The following HSP90AA1 variants were observed in gnomAD, a reference collection of about 807,000 sequenced individuals.
HSP90AA1 encodes the protein heat shock protein HSP 90-alpha.
A neutral mutation model predicts 73.3 loss-of-function variants in HSP90AA1; 18 were observed. The observed-to-expected ratio is 0.25, with a 90% CI of 0.17 to 0.36. HSP90AA1 has a LOEUF of 0.36. Ranked by LOEUF, HSP90AA1 falls within the 10% of genes least tolerant of loss-of-function variation. HSP90AA1 has a pLI of 1.00. For missense variants in HSP90AA1, 704 were observed against 874.2 expected (o/e 0.81, Z 2.45); for synonymous variants, 477 against 296.9 (o/e 1.61, Z -6.24).
In HSP90AA1 at chr14:102,084,571, T is replaced by TA. The variant is rs1413314142; in HGVS notation, c.982-8dup. ...GTCCTTCAACTGAAAAATGCTGTAA[T>TA]AAAACAGATACACTAAGTACCAATG... On this transcript the variant is annotated splice_polypyrimidine_tract_variant and splice_region_variant and intron_variant, in intron 5 of 10. Coordinates refer to ENST00000216281, the MANE Select transcript of HSP90AA1 (RefSeq NM_005348.4). The TA allele has an allele frequency of 3.1e-6, 5 of 1,613,998 alleles. No homozygotes were observed. In the Admixed American group the frequency reaches 8.3e-5, roughly 27 times the overall value.
rs761750321 is a variant in HSP90AA1 at position 102,082,069 on chromosome 14, T to A, written c.2089+42A>T. ...GTTCACCATTTTCTTCAATGTCACG[T>A]GTGTTTATTTTCTTTTTAACATTAC... On this transcript the variant is annotated intron_variant, in intron 10 of 10. Transcript: ENST00000216281. 4 of 1,298,658 alleles carry A rather than the reference T, an allele frequency of 3.1e-6. No individual in the cohort carries two copies. In the Admixed American group the frequency reaches 7.1e-5, roughly 23 times the overall value. 80.4% of individuals were successfully genotyped at this position (1,298,658 alleles called of 1,614,324 possible).
chr14:102,093,353 A>T (rs2152617105), intron 2 of HSP90AA1, among the ~76,000 whole-genome samples: 1 of 151,830 alleles, frequency 6.6e-6, no homozygotes, highest in South Asian at 2.1e-4. Context: ...TACTAAAAAT[A>T]CAAAAATTAG....
In HSP90AA1 at chr14:102,083,456, G is replaced by A. The variant is rs990735910; in HGVS notation, c.1486+90C>T. On this transcript the variant is annotated intron_variant, in intron 8 of 10. Coordinates refer to ENST00000216281, the MANE Select transcript of HSP90AA1 (RefSeq NM_005348.4). Reference sequence around the variant, plus strand: ...TATCTTGCCTAGATCAATACCAGTTGTAACAGTGCTACCTGAGTAGAAAAC... The same window carrying A: ...TATCTTGCCTAGATCAATACCAGTTATAACAGTGCTACCTGAGTAGAAAAC... 4 of 1,432,622 alleles carry A rather than the reference G, an allele frequency of 2.8e-6. No individual in the cohort carries two copies. The African/African-American group carries it at 5.6e-5, about 20-fold the overall frequency. The allele number at this position is 1,432,622 out of a possible 1,614,324, so 88.7% of individuals were successfully genotyped here.
At chr14:102,128,621 T>TC (rs1424630768) in intron 1 of HSP90AA1, among the ~76,000 whole-genome samples, 1 of 101,992 alleles carries the variant, frequency 9.8e-6, no homozygotes, top group Non-Finnish European at 1.9e-5. Flanking sequence ...AGAGCAAAAC[T>TC]CCGTCTCGGA....
chr14:102,084,917 CTTCTTT>C lies in HSP90AA1; in HGVS notation c.739_744del (p.Lys247_Glu248del), dbSNP rs552167468. The C allele has an allele frequency of 2.8e-3, 4,400 of 1,585,028 alleles. 66 individuals are homozygous for C. Among genetic ancestry groups the C allele is most frequent in the South Asian group, 2.3e-3 (210 of 90,256 alleles). On this transcript the variant is annotated inframe_deletion, in exon 5 of 11. Coordinates refer to ENST00000216281, the MANE Select transcript of HSP90AA1 (RefSeq NM_005348.4). ...TCAGGTTTGTCTTCCGACTCTTTCTCTTCTTTTTCTTTTTCTTCTTCTTTGTCTTCC... is the reference window on the plus strand; with the variant it reads ...TCAGGTTTGTCTTCCGACTCTTTCTCTTCTTTTTCTTCTTCTTTGTCTTCC...
intron 1 of HSP90AA1, among the ~76,000 whole-genome samples, chr14:102,115,811 G>T (rs1220081244): frequency 6.6e-6 from 1 of 152,082 alleles, no homozygotes; most frequent in African/African-American, 2.4e-5. Flanking sequence ...GTCTCCCTAT[G>T]TTGTCTAGGC....
chr14:102,139,506 G>A, exon 1 of HSP90AA1: 1 of 1,279,924 alleles, frequency 7.8e-7, no homozygotes, highest in South Asian at 1.5e-5. Context: ...CCTCAGGGCA[G>A]GGCGGGAGAC....
intron 1 of HSP90AA1, among the ~76,000 whole-genome samples, chr14:102,121,836 T>C (rs556857758): frequency 6.6e-6 from 1 of 152,322 alleles, no homozygotes; most frequent in East Asian, 1.9e-4. Context: ...TTTTTTCTAC[T>C]GGGTTTTCTT....
intron 10 of HSP90AA1, 130 bp downstream of exon 10, chr14:102,081,981 A>G (rs1266098832): frequency 1.3e-6 from 1 of 791,434 alleles, no homozygotes; most frequent in Non-Finnish European, 2.2e-6. Context: ...CCCTAAAAAA[A>G]ACATACTTTA....
intron 1 of HSP90AA1, among the ~76,000 whole-genome samples, chr14:102,134,944 C>T (rs528723003): frequency 6.6e-6 from 1 of 152,142 alleles, no homozygotes; most frequent in African/African-American, 2.4e-5. Flanking sequence ...CTGATTGGTG[C>T]GTTTACAATC....
chr14:102,119,349 T>C (rs535183128), intron 1 of HSP90AA1, among the ~76,000 whole-genome samples: 18 of 152,354 alleles, frequency 1.2e-4, no homozygotes, highest in Admixed American at 3.9e-4. Flanking sequence ...ATTGTTCTTC[T>C]GAGTCCTTCA....
intron 1 of HSP90AA1, among the ~76,000 whole-genome samples, chr14:102,110,681 G>A (rs1002065497): frequency 2.0e-5 from 3 of 151,620 alleles, no homozygotes; most frequent in South Asian, 2.1e-4. Context: ...CCGGGTTCAC[G>A]CCATTCTCCT....
At chr14:102,114,115 G>A (rs370689082) in intron 1 of HSP90AA1, among the ~76,000 whole-genome samples, 16 of 152,066 alleles carry the variant, frequency 1.1e-4, no homozygotes, top group Admixed American at 9.8e-4. Flanking sequence ...TCAGTCATCC[G>A]AGTAGCTGGG....
At chr14:102,114,360 T>C (rs2049681300) in intron 1 of HSP90AA1, among the ~76,000 whole-genome samples, 2 of 152,188 alleles carry the variant, frequency 1.3e-5, no homozygotes, top group Non-Finnish European at 2.9e-5. Flanking sequence ...TGATAATCCT[T>C]GGATGTCTGC....
At chr14:102,125,486 C>A (rs1294111175) in intron 1 of HSP90AA1, among the ~76,000 whole-genome samples, 1 of 152,132 alleles carries the variant, frequency 6.6e-6, no homozygotes, top group East Asian at 1.9e-4. Context: ...AAGAGGGAAG[C>A]AGAATGAGCT....
intron 1 of HSP90AA1, among the ~76,000 whole-genome samples, chr14:102,086,593 C>G (rs1358236134): frequency 6.6e-6 from 1 of 151,956 alleles, no homozygotes; most frequent in Non-Finnish European, 1.5e-5. Flanking sequence ...CCGCCGCAGG[C>G]CCGGGCCCAG....
Position 102,083,528 on chromosome 14 carries a change from A to G in HSP90AA1, c.1486+18T>C, listed in dbSNP as rs994259489. ...TTGTAAGAACGACGTGTATGACTGT[A>G]ACATAGTGTTCTCTTACCTGTGATA... On this transcript the variant is annotated intron_variant, in intron 8 of 10. Transcript: ENST00000216281. 1.2e-6 allele frequency: 2 copies of G among 1,611,394 alleles called. No homozygotes were observed. The highest frequency in any genetic ancestry group is 8.5e-7 in the Non-Finnish European group (1 of 1,178,206).
At chr14:102,081,848 T>C in intron 10 of HSP90AA1, 27 bp from the exon 11 acceptor site, 1 of 1,087,484 alleles carries the variant, frequency 9.2e-7, no homozygotes, top group Non-Finnish European at 1.4e-6. Flanking sequence ...ATCCTCATAT[T>C]ACAAAGATTT....
At chr14:102,097,637 A>G (rs1206319961) in intron 2 of HSP90AA1, among the ~76,000 whole-genome samples, 1 of 152,088 alleles carries the variant, frequency 6.6e-6, no homozygotes, top group East Asian at 1.9e-4. Flanking sequence ...ATCCTCAGAT[A>G]CCCCTCGAGG....
Sources: gnomAD v4.1 joint callset for allele counts (sites outside exome capture counted in the v4.1 genomes callset) on GRCh38, gnomAD v4.1.1 for gene constraint, MANE v1.5 for transcripts, NCBI Gene and HGNC (gene_info 2026-07-23, HGNC 2026-07-21) for gene names.